The following POU6F2 variants were observed in gnomAD, a reference collection of about 807,000 sequenced individuals.
POU6F2 encodes the protein POU class 6 homeobox 2.
In POU6F2, 31 loss-of-function variants were observed where a neutral mutation model predicts 71.3. The observed-to-expected ratio is 0.43, with a 90% CI of 0.33 to 0.59. The LOEUF is 0.59. Ranked by LOEUF, POU6F2 falls within the 20% of genes least tolerant of loss-of-function variation. The probability of loss-of-function intolerance (pLI) is 0.04; values close to 1 mark genes in which losing one functional copy is unlikely to be tolerated. For missense variants in POU6F2, 783 were observed against 856.8 expected (o/e 0.91, Z 1.07); for synonymous variants, 347 against 355.7 (o/e 0.98, Z 0.27).
At chr7:39,268,766 C>T (rs1784294135) in intron 4 of POU6F2, among the ~76,000 whole-genome samples, 1 of 152,152 alleles carries the variant, frequency 6.6e-6, no homozygotes, top group African/African-American at 2.4e-5. Flanking sequence ...AGAATTAATA[C>T]ACATTACATT....
At chr7:39,273,377 G>A (rs1019927804) in intron 4 of POU6F2, among the ~76,000 whole-genome samples, 1 of 152,240 alleles carries the variant, frequency 6.6e-6, no homozygotes, top group Non-Finnish European at 1.5e-5. Context: ...CTGATAGGAT[G>A]TGATGAGACA....
intron 2 of POU6F2, among the ~76,000 whole-genome samples, chr7:39,157,111 C>T (rs116861428): frequency 0.063 from 9,575 of 151,984 alleles, 424 homozygotes; most frequent in Admixed American, 0.13. Flanking sequence ...AATTGAATAC[C>T]GAGGCAGAGC....
intron 5 of POU6F2, among the ~76,000 whole-genome samples, chr7:39,380,167 C>A (rs1203722689): frequency 6.6e-6 from 1 of 152,152 alleles, no homozygotes; most frequent in Non-Finnish European, 1.5e-5. Flanking sequence ...GCTGTATAAA[C>A]CTGGCCTAAA....
chr7:39,456,524 A>C (rs1334949094), intron 8 of POU6F2, among the ~76,000 whole-genome samples: 1 of 152,268 alleles, frequency 6.6e-6, no homozygotes, highest in Non-Finnish European at 1.5e-5. Flanking sequence ...CATCTTACAG[A>C]CAGCATCTAA....
At chr7:39,249,697 T>C (rs1319417119) in intron 4 of POU6F2, among the ~76,000 whole-genome samples, 1 of 152,164 alleles carries the variant, frequency 6.6e-6, no homozygotes, top group Non-Finnish European at 1.5e-5. Context: ...ATAATTGTTA[T>C]CAAAAAATAA....
chr7:39,083,351 C>T (rs1222862326), intron 1 of POU6F2, among the ~76,000 whole-genome samples: 1 of 151,990 alleles, frequency 6.6e-6, no homozygotes, highest in African/African-American at 2.4e-5. Flanking sequence ...TAGGTCACAC[C>T]CCTTCCTCTA....
At chr7:39,448,236 G>A (rs1366646240) in intron 7 of POU6F2, among the ~76,000 whole-genome samples, 1 of 152,168 alleles carries the variant, frequency 6.6e-6, no homozygotes, top group Non-Finnish European at 1.5e-5. Context: ...GGCTGATTTT[G>A]ACATGTACAG....
intron 5 of POU6F2, among the ~76,000 whole-genome samples, chr7:39,358,703 T>C (rs1786313617): frequency 6.6e-6 from 1 of 152,118 alleles, no homozygotes; most frequent in Admixed American, 6.5e-5. Context: ...AACAGAAAGA[T>C]TGAGTAACTG....
intron 2 of POU6F2, among the ~76,000 whole-genome samples, chr7:39,168,443 C>CT (rs1414677838): frequency 2.0e-5 from 3 of 152,188 alleles, no homozygotes; most frequent in Non-Finnish European, 2.9e-5. Context: ...CAATCATAAC[C>CT]TTTCTACCAG....
At chr7:39,316,832 A>G (rs1785276266) in intron 4 of POU6F2, among the ~76,000 whole-genome samples, 1 of 122,076 alleles carries the variant, frequency 8.2e-6, no homozygotes, top group African/African-American at 2.6e-5. Context: ...GTTTCAGAAT[A>G]GAACTTGATT....
chr7:39,087,151 AATTAATTAATTTATTT>A (rs1401048948), intron 2 of POU6F2, among the ~76,000 whole-genome samples: 21 of 58,860 alleles, frequency 3.6e-4, no homozygotes, highest in Admixed American at 1.8e-3. Flanking sequence ...TTTATTAATT[AATTAATTAATTTATTT>A]ATTTATTTAT....
intron 1 of POU6F2, among the ~76,000 whole-genome samples, chr7:39,038,501 G>A (rs1409118866): frequency 1.3e-5 from 2 of 151,858 alleles, no homozygotes; most frequent in Admixed American, 6.6e-5. Flanking sequence ...CCAAGCACCC[G>A]CCACAACACA....
chr7:39,179,513 C>CAGCACGCG (rs1793393235), intron 2 of POU6F2, among the ~76,000 whole-genome samples: 1 of 151,894 alleles, frequency 6.6e-6, no homozygotes, highest in South Asian at 2.1e-4. Context: ...GGGACTGAGA[C>CAGCACGCG]CGCACGCGCG....
At chr7:39,216,198 G>A (rs1157743653) in intron 4 of POU6F2, among the ~76,000 whole-genome samples, 1 of 152,192 alleles carries the variant, frequency 6.6e-6, no homozygotes, top group Non-Finnish European at 1.5e-5. Context: ...ACAAGGCGCT[G>A]TGTCCAACAG....
intron 1 of POU6F2, among the ~76,000 whole-genome samples, chr7:39,068,797 CTCT>C (rs1341112565): frequency 6.6e-6 from 1 of 152,126 alleles, no homozygotes; most frequent in African/African-American, 2.4e-5. Context: ...AACTTGATAA[CTCT>C]TCTTTTCTGA....
At chr7:39,191,449 T>G (rs1453017294) in intron 2 of POU6F2, among the ~76,000 whole-genome samples, 2 of 150,138 alleles carry the variant, frequency 1.3e-5, no homozygotes, top group Admixed American at 1.3e-4. Context: ...ACTCAAGAAG[T>G]AAATTTTTTA....
At chr7:39,419,259 G>A (rs1195541953) in intron 6 of POU6F2, among the ~76,000 whole-genome samples, 3 of 151,038 alleles carry the variant, frequency 2.0e-5, no homozygotes, top group South Asian at 4.2e-4. Context: ...TGTTTTTTGG[G>A]ACTGAATCTC....
At chr7:39,180,879 C>G (rs1793422426) in intron 2 of POU6F2, among the ~76,000 whole-genome samples, 2 of 152,098 alleles carry the variant, frequency 1.3e-5, no homozygotes, top group Non-Finnish European at 2.9e-5. Context: ...CCATAAGAAC[C>G]CCTCCCACCC....
chr7:39,250,830 C>G (rs1051262098), intron 4 of POU6F2, among the ~76,000 whole-genome samples: 5 of 152,196 alleles, frequency 3.3e-5, no homozygotes, highest in African/African-American at 1.2e-4. Context: ...GAATAAATCC[C>G]TGTTGGCCAG....
Sources: allele counts gnomAD v4.1 joint callset (sites outside exome capture counted in the v4.1 genomes callset), GRCh38; gene constraint gnomAD v4.1.1; transcripts MANE v1.5; gene names NCBI Gene and HGNC (gene_info 2026-07-23, HGNC 2026-07-21).